Variants in NAV1 observed in about 807,000 individuals in gnomAD.
NAV1 encodes the protein pore membrane and/or filament interacting like protein 3.
NAV1 carries 18 observed loss-of-function variants against 175.2 expected under a neutral mutation model. The ratio of observed to expected loss-of-function variants is 0.10; its 90% confidence interval spans 0.07 to 0.15. NAV1 has a LOEUF of 0.15. NAV1 is among the 10% of genes least tolerant of loss of function. The probability of loss-of-function intolerance (pLI) is 1.00; values close to 1 mark genes in which losing one functional copy is unlikely to be tolerated. For missense variants in NAV1, 1,731 were observed against 2,436.6 expected, an observed-to-expected ratio of 0.71 and a Z score of 6.10; for synonymous variants, 897 against 978.7, an observed-to-expected ratio of 0.92 and a Z score of 1.56.
chr1:201,636,174 C>G (rs1403812061), intron 2 of NAV1, among the ~76,000 whole-genome samples: 1 of 152,226 alleles, frequency 6.6e-6, no homozygotes, highest in Admixed American at 6.5e-5. Context: ...CCAGGGCAGA[C>G]AGAGAGCCTG....
At chr1:201,559,174 G>C (rs1303221905) in intron 1 of NAV1, among the ~76,000 whole-genome samples, 3 of 152,134 alleles carry the variant, frequency 2.0e-5, no homozygotes, top group African/African-American at 7.2e-5. Flanking sequence ...GATAGCTCTT[G>C]GCCTTCTGGA....
chr1:201,819,867 G>C, exon 30 of NAV1: 3 of 1,614,086 alleles, frequency 1.9e-6, no homozygotes, highest in Non-Finnish European at 2.5e-6. Context: ...TCAAGAAGCT[G>C]CCAACTACAT....
intron 1 of NAV1, among the ~76,000 whole-genome samples, chr1:201,668,292 T>C (rs1372881018): frequency 6.6e-6 from 1 of 152,166 alleles, no homozygotes; most frequent in Admixed American, 6.5e-5. Flanking sequence ...ATCTGATGGC[T>C]TTAGCAGGCT....
At chr1:201,758,819 A>G (rs1427055759) in intron 3 of NAV1, among the ~76,000 whole-genome samples, 1 of 152,204 alleles carries the variant, frequency 6.6e-6, no homozygotes, top group Non-Finnish European at 1.5e-5. Context: ...CTCTCTCGTA[A>G]TGGAAGTATT....
chr1:201,625,477 G>C (rs558594678), intron 1 of NAV1, among the ~76,000 whole-genome samples: 1 of 152,328 alleles, frequency 6.6e-6, no homozygotes, highest in African/African-American at 2.4e-5. Flanking sequence ...GGTCTTACCA[G>C]GGTGACCCCT....
intron 1 of NAV1, among the ~76,000 whole-genome samples, chr1:201,547,200 G>T (rs899481261): frequency 6.6e-6 from 1 of 151,950 alleles, no homozygotes. Context: ...TGTTGGTCAG[G>T]CTGGTCTCAA....
intron 1 of NAV1, chr1:201,673,415 T>A (rs888928890): frequency 2.6e-5 from 4 of 152,200 alleles, no homozygotes; most frequent in Non-Finnish European, 5.9e-5. Flanking sequence ...ACAGCTGAAG[T>A]AGCAGCCTCA....
intron 3 of NAV1, among the ~76,000 whole-genome samples, chr1:201,763,875 G>A (rs538358061): frequency 6.6e-6 from 1 of 152,276 alleles, no homozygotes; most frequent in African/African-American, 2.4e-5. Context: ...CAAGCTGTTT[G>A]CAGGGCTGAA....
Position 201,718,352 on chromosome 1 carries a change from T to G in NAV1, c.861-38T>G. 1 of 1,491,584 alleles carries G rather than the reference T, an allele frequency of 6.7e-7. No homozygotes were observed. Among genetic ancestry groups the G allele is most frequent in the Non-Finnish European group, 8.9e-7 (1 of 1,118,704 alleles). 92.4% of individuals were successfully genotyped at this position (1,491,584 alleles called of 1,614,324 possible). A position where few individuals can be genotyped will look rare whatever the true frequency, so the allele number is the denominator to read the frequency against. ...GAGGGGACAGGGCACACGGCGGCTGTGCCAAGGACTAAGTAGTGCCTTCTG... is the reference window on the plus strand; with the variant it reads ...GAGGGGACAGGGCACACGGCGGCTGGGCCAAGGACTAAGTAGTGCCTTCTG... On this transcript the variant is annotated intron_variant, in intron 2 of 29. Coordinates refer to ENST00000367296, the Ensembl canonical transcript of NAV1. This position sits in a 1 kb window ranked among gnomAD's most constrained non-coding sequence, Gnocchi z 4.8.
chr1:201,615,265 TTC>T (rs1386917003), intron 2 of NAV1, among the ~76,000 whole-genome samples: 7 of 149,630 alleles, frequency 4.7e-5, no homozygotes, highest in Non-Finnish European at 7.4e-5. Flanking sequence ...CTTTCTTTCT[TTC>T]TTTTTTTTTT....
upstream of NAV1, among the ~76,000 whole-genome samples, chr1:201,644,293 T>C (rs1400662413): frequency 6.6e-6 from 1 of 152,180 alleles, no homozygotes; most frequent in Non-Finnish European, 1.5e-5. Context: ...TTGGAGATAA[T>C]GTGACAGGGC....
chr1:201,550,682 T>C (rs951811529), intron 1 of NAV1, among the ~76,000 whole-genome samples: 7 of 152,358 alleles, frequency 4.6e-5, no homozygotes, highest in Admixed American at 4.6e-4. Context: ...TTTATAGATG[T>C]TTGATTAAAT....
At chr1:201,696,532 G>C (rs1671197645) in intron 1 of NAV1, among the ~76,000 whole-genome samples, 1 of 152,238 alleles carries the variant, frequency 6.6e-6, no homozygotes, top group Non-Finnish European at 1.5e-5. Context: ...CCGATGTCTT[G>C]GAGGTGGAGA....
At chr1:201,773,972 C>A (rs766048453) in intron 3 of NAV1, among the ~76,000 whole-genome samples, 57 of 152,216 alleles carry the variant, frequency 3.7e-4, no homozygotes, top group Admixed American at 2.2e-3. Context: ...AAGAACTCGC[C>A]CCAAATAAAA....
chr1:201,625,741 C>A (rs959747054), intron 1 of NAV1, among the ~76,000 whole-genome samples: 6 of 152,154 alleles, frequency 3.9e-5, no homozygotes, highest in African/African-American at 1.4e-4. Context: ...TGAATTCATT[C>A]TTTGGGAAAA....
Position 201,708,190 on chromosome 1 carries a change from C to A in NAV1, c.758-4627C>A, listed in dbSNP as rs369822564. ...ATCCTACTCTGCAGATGCCCCAGTG[C>A]ATGCTGGGACTATGCTGCTGTTTGT... On this transcript the variant is annotated intron_variant, in intron 1 of 29. Transcript: ENST00000367296. 4.6e-5 allele frequency among the ~76,000 whole-genome samples: 7 copies of A among 152,308 alleles called. No homozygotes were observed. In the East Asian group the frequency reaches 1.3e-3, roughly 29 times the overall value.
chr1:201,542,068 C>T (rs1186706163), intron 1 of NAV1, among the ~76,000 whole-genome samples: 1 of 152,164 alleles, frequency 6.6e-6, no homozygotes, highest in East Asian at 1.9e-4. Flanking sequence ...TGCTCTTCTC[C>T]CCTTTACAGG....
chr1:201,762,068 G>A (rs554871702), intron 3 of NAV1, among the ~76,000 whole-genome samples: 8 of 152,320 alleles, frequency 5.3e-5, no homozygotes, highest in South Asian at 2.1e-4. Flanking sequence ...GCTGAGGTGC[G>A]AGGATCCCTT....
chr1:201,555,830 G>A lies in NAV1; in HGVS notation c.-144+16488G>A, dbSNP rs2767292. On this transcript the variant is annotated intron_variant, in intron 1 of 33. Coordinates refer to the NAV1 transcript ENST00000685211. ...GGATTCGGGAGCCAGATGGGTTCCC[G>A]GGTGCTGGAGCAAAGGTGCTGTGAA... Among the ~76,000 whole-genome samples, 814 of 141,110 alleles carry A rather than the reference G, an allele frequency of 5.8e-3. 5 individuals are homozygous for A. Among genetic ancestry groups the A allele is most frequent in the South Asian group, 0.025 (100 of 3,976 alleles). The allele number at this position is 141,110 out of a possible 152,430, so 92.6% of individuals were successfully genotyped here.
Sources: gnomAD v4.1 joint callset for allele counts (sites outside exome capture counted in the v4.1 genomes callset) on GRCh38, gnomAD v4.1.1 for gene constraint, Gnocchi (gnomAD v3.1) non-coding constraint, MANE v1.5 for transcripts, NCBI Gene and HGNC (gene_info 2026-07-23, HGNC 2026-07-21) for gene names.